Variants in WDR82 observed in about 807,000 individuals in gnomAD.
WDR82 encodes WD repeat domain 82.
WDR82 carries 8 observed loss-of-function variants against 36.1 expected under a neutral mutation model. That is an observed-to-expected ratio of 0.22 (90% CI 0.13 to 0.40). The LOEUF is 0.40. Ranked by LOEUF, WDR82 falls within the 10% of genes least tolerant of loss-of-function variation. WDR82 has a pLI of 1.00. For missense variants in WDR82, 185 were observed against 400.5 expected, an observed-to-expected ratio of 0.46 and a Z score of 4.59; for synonymous variants, 129 against 137.8, an observed-to-expected ratio of 0.94 and a Z score of 0.45.
chr3:52,278,209 C>T lies in WDR82; in HGVS notation c.153G>A (p.Gln51=), dbSNP rs1700224956. ...DDDSIVLYDC[Q]EGKPKRTLYS... is the part of the protein sequence containing the mutation. ...GCCTCCGCCGCACTCACTTGCCCTC[C>T]TGGCAGTCATAGAGCACGATGGAGT... The change falls in exon 1 of 9, where the codon CAG becomes CAA. Residue 51 remains glutamine (Q), a synonymous_variant. Transcript: ENST00000296490. 6.2e-7 allele frequency: 1 copy of T among 1,601,008 alleles called. No homozygotes were observed. The highest frequency in any genetic ancestry group is 1.1e-5 in the South Asian group (1 of 90,084).
chr3:52,260,601 C>A lies in WDR82; in HGVS notation c.427-100G>T, dbSNP rs1700052795. ...GTACAATGGGGAAAAAAAAATGAAT[C>A]CAGGACCTTACCACTATATAATTTA... On this transcript the variant is annotated intron_variant, in intron 4 of 8. Coordinates refer to ENST00000296490, the MANE Select transcript of WDR82 (RefSeq NM_025222.4). 4 of 714,168 alleles carry A rather than the reference C, an allele frequency of 5.6e-6. No individual in the cohort carries two copies. In the South Asian group the frequency reaches 1.0e-4, roughly 18 times the overall value. 44.2% of individuals were successfully genotyped at this position (714,168 alleles called of 1,614,324 possible). A position where few individuals can be genotyped will look rare whatever the true frequency, so the allele number is the denominator to read the frequency against.
At position 52,278,419 on chromosome 3, in the gene WDR82, C is replaced by A. The variant is rs1293509452; in HGVS notation, c.-58G>T. 9 of 1,228,772 alleles carry A rather than the reference C, an allele frequency of 7.3e-6. 2 individuals carry two copies. Among genetic ancestry groups the A allele is most frequent in the Non-Finnish European group, 9.2e-6 (9 of 982,646 alleles). The allele number at this position is 1,228,772 out of a possible 1,614,324, so 76.1% of individuals were successfully genotyped here. Reference sequence around the variant, plus strand: ...GGCCGGGGCGGGGCCCGGCGGCGAGCGGGCGGGCTGCCGAGGGGCCAACCC... The same window carrying A: ...GGCCGGGGCGGGGCCCGGCGGCGAGAGGGCGGGCTGCCGAGGGGCCAACCC... On this transcript the variant is annotated 5_prime_UTR_variant, in exon 1 of 9. Coordinates refer to ENST00000296490, the MANE Select transcript of WDR82 (RefSeq NM_025222.4).
chr3:52,270,804 T>C lies in WDR82; in HGVS notation c.167A>G (p.Lys56Arg). ...ATATTTCTTACTGTACAGGGTTCTC[T>C]TTGGTCTGATAAGAAAATAGAGACA... ...VLYDCQEGKP[K>R]RTLYSKKYGV... Residue 56 changes from lysine (K) to arginine (R), a missense_variant, in exon 2 of 9, where the codon AAG becomes AGG. Transcript: ENST00000296490. The C allele has an allele frequency of 2.5e-6, 4 of 1,595,396 alleles. No individual in the cohort carries two copies. The highest frequency in any genetic ancestry group is 3.4e-6 in the Non-Finnish European group (4 of 1,172,574).
chr3:52,265,693 A>G (rs1162638438), intron 3 of WDR82, among the ~76,000 whole-genome samples: 1 of 151,060 alleles, frequency 6.6e-6, no homozygotes, highest in Non-Finnish European at 1.5e-5. Flanking sequence ...CTCGTGCCTG[A>G]GCCTCCGAAG....
chr3:52,272,685 G>A (rs1700165194), intron 1 of WDR82, among the ~76,000 whole-genome samples: 1 of 152,108 alleles, frequency 6.6e-6, no homozygotes, highest in Non-Finnish European at 1.5e-5. Flanking sequence ...TAGTTCTTTA[G>A]AAAGATTTCA....
rs1700014799 is a variant in WDR82 at position 52,256,953 on chromosome 3, A to C, written c.*537T>G. ...CTGTCCCTTTCTCTGACCCCAAGAT[A>C]TATGAAAATGTTTCTGTAAATGTTT... is the stretch of plus-strand genomic sequence containing the variant. On this transcript the variant is annotated 3_prime_UTR_variant, in exon 9 of 9. Transcript: ENST00000296490. 1 of 153,580 alleles carries C rather than the reference A, an allele frequency of 6.5e-6. No individual in the cohort carries two copies. Among genetic ancestry groups the C allele is most frequent in the African/African-American group, 2.4e-5 (1 of 41,460 alleles). The allele number at this position is 153,580 out of a possible 1,614,324, so 9.5% of individuals were successfully genotyped here. A position where few individuals can be genotyped will look rare whatever the true frequency, so the allele number is the denominator to read the frequency against.
chr3:52,259,680 G>C (rs1370387478), intron 6 of WDR82, 37 bp downstream of exon 6: 3 of 1,591,672 alleles, frequency 1.9e-6, no homozygotes, highest in South Asian at 1.1e-5. Context: ...GGAAGTATGA[G>C]CATGGAAACA....
chr3:52,269,034 C>T (rs1322480625), intron 2 of WDR82, among the ~76,000 whole-genome samples: 1 of 152,078 alleles, frequency 6.6e-6, no homozygotes, highest in African/African-American at 2.4e-5. Flanking sequence ...AGGCTAATCT[C>T]GAACTTCTGT....
intron 1 of WDR82, among the ~76,000 whole-genome samples, chr3:52,277,329 C>A (rs1043895645): frequency 6.6e-6 from 1 of 151,832 alleles, no homozygotes; most frequent in Non-Finnish European, 1.5e-5. Context: ...CGAAAAGATG[C>A]AGGTATGGTG....
At chr3:52,273,971 T>C (rs1214722442) in intron 1 of WDR82, among the ~76,000 whole-genome samples, 1 of 152,228 alleles carries the variant, frequency 6.6e-6, no homozygotes, top group Non-Finnish European at 1.5e-5. Flanking sequence ...TCCATGTGGG[T>C]CTTACAAAAT....
chr3:52,278,381 A>AGCG lies in WDR82; in HGVS notation c.-23_-21dup. The stretch of plus-strand genomic sequence containing the variant: ...CTTCATGGCGGCGGCTGGGGAAGGC[A>AGCG]GCGGCGGCGCAGGGCCGGGGCGGGG... On this transcript the variant is annotated 5_prime_UTR_variant, in exon 1 of 9. Transcript: ENST00000296490. 1 of 1,505,914 alleles carries AGCG rather than the reference A, an allele frequency of 6.6e-7. No homozygotes were observed. The highest frequency in any genetic ancestry group is 8.9e-7 in the Non-Finnish European group (1 of 1,126,032). The allele number at this position is 1,505,914 out of a possible 1,614,324, so 93.3% of individuals were successfully genotyped here.
rs869189597 is a variant in WDR82, at chr3:52,265,299, C to CAA, written c.326+1651_326+1652dup. 2.8e-3 allele frequency among the ~76,000 whole-genome samples: 123 copies of CAA among 43,810 alleles called. 30 individuals carry two copies. The highest frequency in any genetic ancestry group is 5.1e-3 in the East Asian group (5 of 988). The allele number at this position is 43,810 out of a possible 152,430, so 28.7% of individuals were successfully genotyped here. A position where few individuals can be genotyped will look rare whatever the true frequency, so the allele number is the denominator to read the frequency against. ...TGGGCGACAGAGCGAGACTCTGTCT[C>CAA]AAAAAAAAAAAAAAAAAAAAAAAAA... On this transcript the variant is annotated intron_variant, in intron 3 of 8. Coordinates refer to ENST00000296490, the MANE Select transcript of WDR82 (RefSeq NM_025222.4).
At chr3:52,266,919 G>C (rs760107386) in intron 3 of WDR82, 33 bp downstream of exon 3, 5 of 1,576,662 alleles carry the variant, frequency 3.2e-6, no homozygotes, top group African/African-American at 1.4e-5. Context: ...AGGGATAAAA[G>C]AACTATCTGC....
At chr3:52,277,283 C>A (rs912268557) in intron 1 of WDR82, among the ~76,000 whole-genome samples, 1 of 151,798 alleles carries the variant, frequency 6.6e-6, no homozygotes, top group African/African-American at 2.4e-5. Context: ...ACAAGGACCC[C>A]CAGGGAAAAA....
chr3:52,275,840 C>T (rs1394662940), intron 1 of WDR82, among the ~76,000 whole-genome samples: 2 of 151,860 alleles, frequency 1.3e-5, no homozygotes, highest in Non-Finnish European at 2.9e-5. Context: ...GCCAAGATCA[C>T]GCCACTGCAC....
chr3:52,259,956 A>G lies in WDR82; in HGVS notation c.544-84T>C, dbSNP rs1040571693. On this transcript the variant is annotated intron_variant, in intron 5 of 8. Transcript: ENST00000296490. ...AATTCCCATCCTATTCCTTTAGATTACTTTTTGACTAAGGAAAGCAGAGAA... is the reference window on the plus strand; with the variant it reads ...AATTCCCATCCTATTCCTTTAGATTGCTTTTTGACTAAGGAAAGCAGAGAA... 7.5e-6 allele frequency: 11 copies of G among 1,458,424 alleles called. No individual in the cohort carries two copies. The South Asian group carries it at 1.3e-4, about 18-fold the overall frequency. The allele number at this position is 1,458,424 out of a possible 1,614,324, so 90.3% of individuals were successfully genotyped here. A position where few individuals can be genotyped will look rare whatever the true frequency, so the allele number is the denominator to read the frequency against.
intron 1 of WDR82, among the ~76,000 whole-genome samples, chr3:52,272,543 CAA>C (rs538212712): frequency 1.5e-4 from 15 of 100,214 alleles, no homozygotes; most frequent in Admixed American, 3.3e-4. Flanking sequence ...GACTCCATCT[CAA>C]AAAAAAAAAA....
At position 52,278,187 on chromosome 3, in the gene WDR82, T is replaced by G. The variant is rs2107346532; in HGVS notation, c.161+14A>C. On this transcript the variant is annotated intron_variant, in intron 1 of 8. Coordinates refer to ENST00000296490, the MANE Select transcript of WDR82 (RefSeq NM_025222.4). ...GGCACTGAGACTCGGGCCCAGGGCC[T>G]CCGCCGCACTCACTTGCCCTCCTGG... 1.3e-6 allele frequency: 2 copies of G among 1,584,976 alleles called. No homozygotes were observed. The highest frequency in any genetic ancestry group is 1.1e-5 in the South Asian group (1 of 88,770).
intron 1 of WDR82, among the ~76,000 whole-genome samples, chr3:52,271,580 A>C (rs1318744237): frequency 1.4e-5 from 2 of 146,330 alleles, no homozygotes; most frequent in Admixed American, 1.3e-4. Flanking sequence ...ATTTAGAAAG[A>C]AGCTCTGTGT....
Sources: gnomAD v4.1 joint callset for allele counts (sites outside exome capture counted in the v4.1 genomes callset) on GRCh38, gnomAD v4.1.1 for gene constraint, MANE v1.5 for transcripts, NCBI Gene and HGNC (gene_info 2026-07-23, HGNC 2026-07-21) for gene names.